The following CCDC117 variants were observed in gnomAD, a reference collection of about 807,000 sequenced individuals.
The protein encoded by CCDC117 is coiled-coil domain containing 117.
CCDC117 carries 1 observed loss-of-function variant against 23.5 expected under a neutral mutation model. The observed-to-expected ratio is 0.04, with a 90% CI of 0.02 to 0.20. The LOEUF is 0.20. Ranked by LOEUF, CCDC117 falls within the 10% of genes least tolerant of loss-of-function variation. The pLI is 1.00. For missense variants in CCDC117, 383 were observed against 348.2 expected (o/e 1.10, Z -0.80); for synonymous variants, 132 against 124.8 (o/e 1.06, Z -0.39).
intron 3 of CCDC117, among the ~76,000 whole-genome samples, chr22:28,782,697 A>G (rs1297000470): frequency 6.6e-6 from 1 of 151,958 alleles, no homozygotes; most frequent in Non-Finnish European, 1.5e-5. Flanking sequence ...TCTGCCTCCC[A>G]GAGGGCTGGG....
At chr22:28,778,918 G>C (rs1327212340) in intron 2 of CCDC117, among the ~76,000 whole-genome samples, 1 of 152,158 alleles carries the variant, frequency 6.6e-6, no homozygotes, top group Non-Finnish European at 1.5e-5. Context: ...TCAGAGCGCA[G>C]AACCCAGGTG....
intron 3 of CCDC117, among the ~76,000 whole-genome samples, chr22:28,781,484 G>T (rs1280822303): frequency 2.3e-5 from 2 of 88,026 alleles, no homozygotes; most frequent in Non-Finnish European, 4.0e-5. Flanking sequence ...CCAAGTAGCT[G>T]GGACTACAGG....
intron 2 of CCDC117, among the ~76,000 whole-genome samples, chr22:28,774,354 G>T (rs1171906586): frequency 1.4e-5 from 2 of 146,980 alleles, no homozygotes; most frequent in Non-Finnish European, 3.0e-5. Context: ...GGCCTGAGCC[G>T]CCCCGGCCTG....
At chr22:28,776,729 C>A (rs938102652) in intron 2 of CCDC117, among the ~76,000 whole-genome samples, 1 of 152,122 alleles carries the variant, frequency 6.6e-6, no homozygotes, top group Non-Finnish European at 1.5e-5. Context: ...GGATTACAGG[C>A]ATGTGCCTCC....
Position 28,781,185 on chromosome 22 carries a change from T to A in CCDC117, c.464+13T>A. ...AGATTGAGGACAGGTAAATGGGCAG[T>A]GTATATAGCTGGTTTTTTGCTGTTC... On this transcript the variant is annotated intron_variant, in intron 3 of 4. Coordinates refer to ENST00000249064, the MANE Select transcript of CCDC117 (RefSeq NM_173510.4). 1 of 1,536,350 alleles carries A rather than the reference T, an allele frequency of 6.5e-7. No individual in the cohort carries two copies. Among genetic ancestry groups the A allele is most frequent in the Non-Finnish European group, 9.0e-7 (1 of 1,112,558 alleles).
At chr22:28,773,420 T>G in intron 1 of CCDC117, 2 of 348,724 alleles carry the variant, frequency 5.7e-6, no homozygotes, top group Non-Finnish European at 5.4e-6. Flanking sequence ...TGGGTCCTCT[T>G]AGTGAGATTA....
intron 2 of CCDC117, among the ~76,000 whole-genome samples, chr22:28,776,365 TC>T (rs1303098284): frequency 6.6e-6 from 1 of 151,948 alleles, no homozygotes; most frequent in Non-Finnish European, 1.5e-5. Flanking sequence ...CTGCACTCCA[TC>T]CTAGGTGACA....
chr22:28,786,482 C>G lies in CCDC117; in HGVS notation c.*156C>G, dbSNP rs779973566. 10 of 579,062 alleles carry G rather than the reference C, an allele frequency of 1.7e-5. No homozygotes were observed. The highest frequency in any genetic ancestry group is 2.7e-5 in the Non-Finnish European group (9 of 333,492). The allele number at this position is 579,062 out of a possible 1,614,324, so 35.9% of individuals were successfully genotyped here. On this transcript the variant is annotated 3_prime_UTR_variant, in exon 5 of 5. Coordinates refer to ENST00000249064, the MANE Select transcript of CCDC117 (RefSeq NM_173510.4). ...GGGTGGGACTCTTATTTTGGGTAGCCATTTATTGACTTCACCTTTTTGCCA... is the reference window on the plus strand; with the variant it reads ...GGGTGGGACTCTTATTTTGGGTAGCGATTTATTGACTTCACCTTTTTGCCA...
intron 3 of CCDC117, 79 bp from the exon 4 acceptor site, chr22:28,783,429 A>G: frequency 1.4e-6 from 2 of 1,406,420 alleles, no homozygotes; most frequent in Non-Finnish European, 1.9e-6. Flanking sequence ...TTTTATTTTT[A>G]AAATTTTGTC....
chr22:28,781,251 C>T (rs977173424), intron 3 of CCDC117, 79 bp downstream of exon 3: 2 of 738,948 alleles, frequency 2.7e-6, no homozygotes, highest in East Asian at 2.7e-5. Flanking sequence ...TTCTGTTTAT[C>T]ATTTGGTGAT....
At chr22:28,784,272 G>A (rs1457722102) in intron 4 of CCDC117, among the ~76,000 whole-genome samples, 1 of 152,150 alleles carries the variant, frequency 6.6e-6, no homozygotes, top group Non-Finnish European at 1.5e-5. Flanking sequence ...GGACAAGAGA[G>A]GAAACTGGAA....
In CCDC117 at chr22:28,773,758, AGAGGAG is replaced by A; in HGVS notation, c.228_233del (p.Glu76_Glu77del). On this transcript the variant is annotated inframe_deletion, in exon 2 of 5. Coordinates refer to ENST00000249064, the MANE Select transcript of CCDC117 (RefSeq NM_173510.4). ...TTCACTGTAAAAAGAAACACAAGCG[AGAGGAG>A]GAGGAGGATGATGAGTAAGTTTCAG... The A allele has an allele frequency of 1.2e-6, 2 of 1,613,808 alleles. No homozygotes were observed. The highest frequency in any genetic ancestry group is 1.7e-6 in the Non-Finnish European group (2 of 1,179,686).
At chr22:28,775,670 A>G (rs1042623079) in intron 2 of CCDC117, among the ~76,000 whole-genome samples, 6 of 152,110 alleles carry the variant, frequency 3.9e-5, no homozygotes, top group Admixed American at 1.3e-4. Context: ...AAGCCGAGGC[A>G]GGTGGATCAC....
intron 4 of CCDC117, 114 bp downstream of exon 4, chr22:28,783,759 A>G (rs2031428713): frequency 3.1e-6 from 3 of 961,034 alleles, no homozygotes; most frequent in African/African-American, 1.6e-5. Flanking sequence ...TCCCCAGGCA[A>G]TTGGAGATTG....
At position 28,788,590 on chromosome 22, in the gene CCDC117, T is replaced by TA. The variant is rs1212913981; in HGVS notation, c.*2265dup. The TA allele has an allele frequency of 6.5e-6, 1 of 152,694 alleles. No individual in the cohort carries two copies. The highest frequency in any genetic ancestry group is 1.9e-4 in the East Asian group (1 of 5,208). 9.5% of individuals were successfully genotyped at this position (152,694 alleles called of 1,614,324 possible). A position where few individuals can be genotyped will look rare whatever the true frequency, so the allele number is the denominator to read the frequency against. On this transcript the variant is annotated 3_prime_UTR_variant, in exon 5 of 5. Transcript: ENST00000249064. The stretch of plus-strand genomic sequence containing the variant: ...ACAGAGCTTATTTCAGTAGTCAAGT[T>TA]ACCTGACATGATAATTATTTCTGCA...
chr22:28,783,941 C>A (rs549772429), intron 4 of CCDC117, among the ~76,000 whole-genome samples: 2 of 152,212 alleles, frequency 1.3e-5, no homozygotes, highest in East Asian at 3.9e-4. Flanking sequence ...CTCTCAAGTT[C>A]CTGTGATACA....
At chr22:28,776,830 C>A (rs1007230660) in intron 2 of CCDC117, among the ~76,000 whole-genome samples, 1 of 151,848 alleles carries the variant, frequency 6.6e-6, no homozygotes, top group Admixed American at 6.6e-5. Context: ...ATGATCCTCT[C>A]GCCTTGGCCT....
Position 28,774,107 on chromosome 22 carries a change from G to T in CCDC117, c.239+329G>T, listed in dbSNP as rs182043508. The stretch of plus-strand genomic sequence containing the variant: ...TTTTGGGACGGAGTCTGCCTCTGTC[G>T]CCCAGGCTGGAGTGCAGTGGCGCTA... On this transcript the variant is annotated intron_variant, in intron 2 of 4. Coordinates refer to ENST00000249064, the MANE Select transcript of CCDC117 (RefSeq NM_173510.4). 1.5e-4 allele frequency among the ~76,000 whole-genome samples: 22 copies of T among 144,468 alleles called. No individual in the cohort carries two copies. In the East Asian group the frequency reaches 4.2e-3, roughly 28 times the overall value. 94.8% of individuals were successfully genotyped at this position (144,468 alleles called of 152,430 possible).
Position 28,786,759 on chromosome 22 carries a change from A to C in CCDC117, c.*433A>C. On this transcript the variant is annotated 3_prime_UTR_variant, in exon 5 of 5. Coordinates refer to ENST00000249064, the MANE Select transcript of CCDC117 (RefSeq NM_173510.4). Reference sequence around the variant, plus strand: ...CTTAATGTGTAGATATGAGCTGTTTACAGTGGTGACTATATATAATTGGGG... The same window carrying C: ...CTTAATGTGTAGATATGAGCTGTTTCCAGTGGTGACTATATATAATTGGGG... The C allele has an allele frequency of 6.2e-6, 1 of 161,968 alleles. No individual in the cohort carries two copies. The highest frequency in any genetic ancestry group is 1.4e-5 in the Non-Finnish European group (1 of 73,134). 10.0% of individuals were successfully genotyped at this position (161,968 alleles called of 1,614,324 possible).
Sources: gnomAD v4.1 joint callset for allele counts (sites outside exome capture counted in the v4.1 genomes callset) on GRCh38, gnomAD v4.1.1 for gene constraint, MANE v1.5 for transcripts, NCBI Gene and HGNC (gene_info 2026-07-23, HGNC 2026-07-21) for gene names.